Variants in COL22A1 observed in about 807,000 individuals in gnomAD.
COL22A1 encodes collagen alpha-1(XXII) chain.
Under a neutral mutation model 248.9 loss-of-function variants are expected in COL22A1, and 221 were observed. The ratio of observed to expected loss-of-function variants is 0.89; its 90% CI spans 0.80 to 0.99. The LOEUF (loss-of-function observed/expected upper bound fraction) is 0.99, where lower values mean the gene tolerates loss of function less well. COL22A1 is among the 50% of genes least tolerant of loss of function. The probability of loss-of-function intolerance (pLI) is 0.00; values close to 1 mark genes in which losing one functional copy is unlikely to be tolerated. For synonymous variants in COL22A1, 891 were observed against 793.4 expected, an observed-to-expected ratio of 1.12 and a Z score of -2.07; for missense variants, 2,240 against 2,179.0, an observed-to-expected ratio of 1.03 and a Z score of -0.56.
intron 3 of COL22A1, among the ~76,000 whole-genome samples, chr8:138,860,847 G>C (rs1299200403): frequency 6.6e-6 from 1 of 152,136 alleles, no homozygotes; most frequent in Admixed American, 6.5e-5. Context: ...CCGCACCACT[G>C]TACCTCTCTC....
At chr8:138,684,509 G>A (rs1016884291) in intron 38 of COL22A1, 40 bp from the exon 39 acceptor site, 1 of 1,469,172 alleles carries the variant, frequency 6.8e-7, no homozygotes, top group Non-Finnish European at 9.5e-7. Flanking sequence ...ATGGAGCTGA[G>A]AGTGAACACT....
chr8:138,646,013 C>T (rs1009653486), intron 47 of COL22A1, among the ~76,000 whole-genome samples: 1 of 152,162 alleles, frequency 6.6e-6, no homozygotes, highest in Non-Finnish European at 1.5e-5. Flanking sequence ...ATACTAACAC[C>T]ACCAACAGCT....
intron 35 of COL22A1, among the ~76,000 whole-genome samples, chr8:138,692,262 G>GGAGGTGTGTGTGTGTACCTGTGTGTA (rs1564201708): frequency 7.0e-6 from 1 of 143,596 alleles, no homozygotes. Flanking sequence ...GTGTGCGTGT[G>GGAGGTGTGTGTGTGTACCTGTGTGTA]TGCATGTTTG....
chr8:138,885,136 G>T (rs932928142), intron 1 of COL22A1, among the ~76,000 whole-genome samples: 3 of 152,146 alleles, frequency 2.0e-5, no homozygotes, highest in Admixed American at 6.5e-5. Context: ...GCCTACTGCA[G>T]GGTCACCCTC....
chr8:138,829,290 A>C (rs1819837242), intron 5 of COL22A1, among the ~76,000 whole-genome samples: 1 of 151,814 alleles, frequency 6.6e-6, no homozygotes, highest in African/African-American at 2.4e-5. Flanking sequence ...CCCATGCAGG[A>C]GGAAGATGGG....
chr8:138,895,933 T>C (rs1825382458), intron 1 of COL22A1, among the ~76,000 whole-genome samples: 1 of 152,154 alleles, frequency 6.6e-6, no homozygotes. Flanking sequence ...ACATTGTCTA[T>C]AGTGGAAACA....
At chr8:138,872,037 G>A (rs972003023) in intron 3 of COL22A1, among the ~76,000 whole-genome samples, 9 of 152,200 alleles carry the variant, frequency 5.9e-5, no homozygotes, top group African/African-American at 1.2e-4. Flanking sequence ...TAACTGAGAC[G>A]CAGAGGGCTA....
intron 3 of COL22A1, among the ~76,000 whole-genome samples, chr8:138,850,962 T>C (rs1821596233): frequency 6.6e-6 from 1 of 152,194 alleles, no homozygotes; most frequent in Non-Finnish European, 1.5e-5. Context: ...CTGGCACACG[T>C]CTCAGTGCAA....
At chr8:138,605,845 G>A (rs1476698489) in intron 58 of COL22A1, among the ~76,000 whole-genome samples, 1 of 152,144 alleles carries the variant, frequency 6.6e-6, no homozygotes, top group East Asian at 1.9e-4. Context: ...TTGACTCAAG[G>A]ACAAGCTGGA....
chr8:138,809,528 C>CTTTTTTTTGTTTTTTTTTTTTTTT (rs1818018034), intron 9 of COL22A1, among the ~76,000 whole-genome samples: 1 of 117,630 alleles, frequency 8.5e-6, no homozygotes, highest in Non-Finnish European at 1.8e-5. Context: ...TTTTCTTTTT[C>CTTTTTTTTGTTTTTTTTTTTTTTT]TTTTTTTTTT....
intron 37 of COL22A1, among the ~76,000 whole-genome samples, chr8:138,687,187 C>T (rs765662453): frequency 6.6e-6 from 1 of 152,168 alleles, no homozygotes; most frequent in South Asian, 2.1e-4. Flanking sequence ...GAACTCCTGA[C>T]CTCAAGTGAC....
intron 51 of COL22A1, 80 bp downstream of exon 51, chr8:138,626,109 TG>T: frequency 9.2e-7 from 1 of 1,090,786 alleles, no homozygotes. Context: ...GTTTTGACAG[TG>T]GAATATATTT....
rs971656356 is a variant in COL22A1 at position 138,877,920 on chromosome 8, G to T, written c.488C>A (p.Ala163Glu). The T allele has an allele frequency of 6.2e-7, 1 of 1,606,958 alleles. No homozygotes were observed. Among genetic ancestry groups the T allele is most frequent in the Admixed American group, 1.7e-5 (1 of 59,388 alleles). The part of the protein sequence containing the change: ...RSQDLVLDAA[A>E]AAHRAGIRIF... ...GCGGATGCCAGCGCGGTGGGCTGCC[G>T]CCGCGGCGTCCAGCACCAGGTCCTG... Residue 163 changes from alanine to glutamate, a missense_variant, in exon 3 of 65, where the codon GCG becomes GAG. Physicochemically the swap from Ala to Glu is moderately radical, Grantham distance 107 (BLOSUM62 -1). Coordinates refer to ENST00000303045, the MANE Select transcript of COL22A1 (RefSeq NM_152888.3).
At chr8:138,595,821 C>A (rs1358136354) in intron 62 of COL22A1, among the ~76,000 whole-genome samples, 3 of 152,148 alleles carry the variant, frequency 2.0e-5, no homozygotes, top group Non-Finnish European at 2.9e-5. Context: ...CCCTTTTGTC[C>A]TTGTGCTCCT....
At chr8:138,768,914 G>T (rs1834130606) in intron 16 of COL22A1, among the ~76,000 whole-genome samples, 1 of 151,970 alleles carries the variant, frequency 6.6e-6, no homozygotes, top group African/African-American at 2.4e-5. Context: ...TCCAGCCTGG[G>T]CAATAGAGTG....
At chr8:138,859,618 G>A (rs774080196) in intron 3 of COL22A1, among the ~76,000 whole-genome samples, 37 of 152,176 alleles carry the variant, frequency 2.4e-4, no homozygotes, top group South Asian at 4.1e-4. Flanking sequence ...GACCTAGAGA[G>A]GGCAAGTGAG....
chr8:138,872,668 G>A (rs539967192), intron 3 of COL22A1, among the ~76,000 whole-genome samples: 4 of 152,366 alleles, frequency 2.6e-5, no homozygotes, highest in South Asian at 4.1e-4. Context: ...GCAGGAAGCT[G>A]AGGCTGAGAT....
chr8:138,685,516 G>A (rs1826281089), intron 37 of COL22A1, among the ~76,000 whole-genome samples: 1 of 152,164 alleles, frequency 6.6e-6, no homozygotes, highest in Non-Finnish European at 1.5e-5. Flanking sequence ...GTGTCTTGAA[G>A]TCCTAACCCC....
At chr8:138,629,612 A>G (rs112627938) in intron 50 of COL22A1, among the ~76,000 whole-genome samples, 6 of 152,330 alleles carry the variant, frequency 3.9e-5, no homozygotes, top group Admixed American at 2.6e-4. Flanking sequence ...GACCACCCAC[A>G]TGGTGGGTCA....
Sources: allele counts gnomAD v4.1 joint callset (sites outside exome capture counted in the v4.1 genomes callset), GRCh38; gene constraint gnomAD v4.1.1; transcripts MANE v1.5; gene names NCBI Gene and HGNC (gene_info 2026-07-23, HGNC 2026-07-21).